CCNB2: variants seen among roughly 807,000 people sequenced by gnomAD.
CCNB2 encodes cyclin B2.
CCNB2 carries 39 observed loss-of-function variants against 51.1 expected under a neutral mutation model. That is an observed-to-expected ratio of 0.76 (90% CI 0.59 to 1.00). The LOEUF (loss-of-function observed/expected upper bound fraction) is 1.00. Ranked by LOEUF, CCNB2 falls within the 50% of genes least tolerant of loss-of-function variation. The pLI is 0.00. For missense variants in CCNB2, 472 were observed against 470.3 expected (o/e 1.00, Z -0.03); for synonymous variants, 174 against 165.5 (o/e 1.05, Z -0.40).
At chr15:59,111,095 G>T (rs1372121710) in intron 3 of CCNB2, among the ~76,000 whole-genome samples, 2 of 152,224 alleles carry the variant, frequency 1.3e-5, no homozygotes, top group Non-Finnish European at 2.9e-5. Context: ...CTTAGAAAGG[G>T]TCTTACAATA....
At chr15:59,116,640 C>A in intron 5 of CCNB2, 50 bp from the exon 6 acceptor site, 1 of 1,303,476 alleles carries the variant, frequency 7.7e-7, no homozygotes, top group Non-Finnish European at 1.1e-6. Context: ...CCACCTAAAG[C>A]TTCACTCTTC....
rs747355242 is a variant in CCNB2 at position 59,124,821 on chromosome 15, C to A, written c.1141C>A (p.Gln381Lys). 5.6e-6 allele frequency: 9 copies of A among 1,611,604 alleles called. No homozygotes were observed. Among genetic ancestry groups the A allele is most frequent in the Non-Finnish European group, 7.6e-6 (9 of 1,178,950 alleles). ...ACTCCTGAAGATCAGCATGATCCCT[C>A]AGCTGAACTCAAAAGCCGTCAAAGA... ...SKLLKISMIP[Q>K]LNSKAVKDLA... Residue 381 changes from glutamine (Q) to lysine (K), a missense_variant, in exon 9 of 9, where the codon CAG (glutamine) becomes AAG (lysine). Coordinates refer to ENST00000288207, the MANE Select transcript of CCNB2 (RefSeq NM_004701.4).
At chr15:59,109,737 A>G (rs911281297) in intron 3 of CCNB2, among the ~76,000 whole-genome samples, 3 of 152,246 alleles carry the variant, frequency 2.0e-5, no homozygotes, top group Non-Finnish European at 2.9e-5. Context: ...CTGTAATCCC[A>G]GCACTTTGGG....
At chr15:59,105,558 A>C (rs1453605246) in intron 1 of CCNB2, among the ~76,000 whole-genome samples, 1 of 152,298 alleles carries the variant, frequency 6.6e-6, no homozygotes, top group East Asian at 1.9e-4. Context: ...GCGCCTGTCA[A>C]GTGAGCCCCC....
At chr15:59,122,527 TTTTTTTTTTC>T (rs1374545332) in intron 7 of CCNB2, among the ~76,000 whole-genome samples, 1,580 of 149,092 alleles carry the variant, frequency 0.011, 21 homozygotes, top group Middle Eastern at 0.038. Context: ...GCCTGGCCTT[TTTTTTTTTTC>T]TTTTTTTTTC....
At position 59,114,790 on chromosome 15, in the gene CCNB2, G is replaced by C. The variant is rs949483720; in HGVS notation, c.511G>C (p.Asp171His). Residue 171 changes from aspartate to histidine, a missense_variant, in exon 5 of 9, where the codon GAT (aspartate) becomes CAT (histidine). Transcript: ENST00000288207. Reference sequence around the variant, plus strand: ...TGGACGCATGCGTGCCATCCTAGTGGATTGGCTGGTACAAGTCCACTCCAA... The same window carrying C: ...TGGACGCATGCGTGCCATCCTAGTGCATTGGCTGGTACAAGTCCACTCCAA... The part of the protein sequence containing the change: ...INGRMRAILV[D>H]WLVQVHSKFR... 6.2e-7 allele frequency: 1 copy of C among 1,614,074 alleles called. No homozygotes were observed. The highest frequency in any genetic ancestry group is 1.3e-5 in the African/African-American group (1 of 74,936).
At position 59,122,312 on chromosome 15, in the gene CCNB2, G is replaced by A. The variant is rs529507787; in HGVS notation, c.976-1205G>A. Among the ~76,000 whole-genome samples the A allele has an allele frequency of 2.0e-3, 262 of 127,880 alleles. 2 individuals carry two copies. Among genetic ancestry groups the A allele is most frequent in the African/African-American group, 7.5e-3 (247 of 33,152 alleles). The allele number at this position is 127,880 out of a possible 152,430, so 83.9% of individuals were successfully genotyped here. On this transcript the variant is annotated intron_variant, in intron 7 of 8. Transcript: ENST00000288207. ...CACCCAGACTGGAGTGCAGTGGTGC[G>A]ATCTCAGCTCACTGCAGCCTCTGCC...
At chr15:59,115,116 T>C (rs1306135042) in intron 5 of CCNB2, among the ~76,000 whole-genome samples, 11 of 152,202 alleles carry the variant, frequency 7.2e-5, no homozygotes, top group African/African-American at 2.2e-4. Flanking sequence ...GGGGGAAATA[T>C]TGCATTGCCA....
At position 59,107,448 on chromosome 15, in the gene CCNB2, A is replaced by G; in HGVS notation, c.151A>G (p.Lys51Glu). Reference sequence around the variant, plus strand: ...TACAACCAGAGCAGCACAAGTAGCTAAGGTAACAATGATGAAGACTGAATG... The same window carrying G: ...TACAACCAGAGCAGCACAAGTAGCTGAGGTAACAATGATGAAGACTGAATG... ...RVTTRAAQVA[K>E]KAQNTKVPVQ... is the part of the protein sequence containing the mutation. Residue 51 changes from lysine to glutamate, a missense_variant and splice_region_variant, in exon 2 of 9, where the codon AAG becomes GAG. By Grantham distance (56) the Lys-to-Glu change is moderately conservative. Transcript: ENST00000288207. 3 of 1,614,152 alleles carry G rather than the reference A, an allele frequency of 1.9e-6. No individual in the cohort carries two copies. The highest frequency in any genetic ancestry group is 2.5e-6 in the Non-Finnish European group (3 of 1,180,006).
intron 7 of CCNB2, among the ~76,000 whole-genome samples, chr15:59,122,822 C>T (rs1249548760): frequency 6.6e-6 from 1 of 152,214 alleles, no homozygotes; most frequent in Admixed American, 6.5e-5. Flanking sequence ...AGGCGTGAGC[C>T]ACTGTGCCCC....
intron 7 of CCNB2, among the ~76,000 whole-genome samples, chr15:59,121,824 C>G (rs185342335): frequency 6.7e-6 from 1 of 149,712 alleles, no homozygotes; most frequent in South Asian, 2.1e-4. Context: ...CTCAGCTACC[C>G]AGGAGGCTGA....
intron 7 of CCNB2, among the ~76,000 whole-genome samples, chr15:59,118,351 CCT>C (rs1204111795): frequency 7.2e-5 from 11 of 152,160 alleles, no homozygotes; most frequent in Non-Finnish European, 1.3e-4. Flanking sequence ...GCAGTTATAC[CCT>C]GAGAGCAGTA....
In CCNB2 at chr15:59,117,222, T is replaced by C. The variant is rs1373361510; in HGVS notation, c.835-6T>C. On this transcript the variant is annotated splice_region_variant and splice_polypyrimidine_tract_variant and intron_variant, in intron 6 of 8. Transcript: ENST00000288207. Reference sequence around the variant, plus strand: ...ATTCTTACTATCCCTTGCTGTTCTTTCTTAGGTTGATGTTGAACAGCACAC... The same window carrying C: ...ATTCTTACTATCCCTTGCTGTTCTTCCTTAGGTTGATGTTGAACAGCACAC... 1.9e-6 allele frequency: 3 copies of C among 1,611,710 alleles called. No individual in the cohort carries two copies. The highest frequency in any genetic ancestry group is 2.2e-5 in the East Asian group (1 of 44,836).
At chr15:59,107,027 T>C (rs1213708109) in intron 1 of CCNB2, among the ~76,000 whole-genome samples, 3 of 152,198 alleles carry the variant, frequency 2.0e-5, no homozygotes, top group African/African-American at 7.2e-5. Context: ...AATCATTAAA[T>C]ACTAATAAGC....
rs772453266 is a variant in CCNB2, at chr15:59,116,926, G to C, written c.834G>C (p.Glu278Asp). The C allele has an allele frequency of 6.2e-7, 1 of 1,609,912 alleles. No individual in the cohort carries two copies. Among genetic ancestry groups the C allele is most frequent in the Non-Finnish European group, 8.5e-7 (1 of 1,176,354 alleles). The change falls in exon 6 of 9, where the codon GAG (glutamate) becomes GAC (aspartate). Residue 278 changes from glutamate (E) to aspartate (D), a missense_variant and splice_region_variant. Transcript: ENST00000288207. ...TAAGGCGAGCATCAAAAGCCGGGGA[G>C]GTAAGTGCCTCCAGCTCTGTAAGAG... ...HFLRRASKAG[E>D]VDVEQHTLAK...
rs143904498 is a variant in CCNB2, at chr15:59,114,722, T to C, written c.443T>C (p.Leu148Ser). ...IYQYLRQLEV[L>S]QSINPHFLDG... ...AACTTTTGATTCTACCCACAGGTTT[T>C]GCAGTCCATAAACCCACATTTCTTA... Residue 148 changes from leucine to serine, a missense_variant, in exon 5 of 9, where the codon TTG (leucine) becomes TCG (serine). Physicochemically the swap from Leu to Ser is moderately radical, Grantham distance 145. Coordinates refer to ENST00000288207, the MANE Select transcript of CCNB2 (RefSeq NM_004701.4). The C allele has an allele frequency of 1.1e-4, 179 of 1,607,456 alleles. 1 individual carries two copies. The African/African-American group carries it at 1.4e-3, about 13-fold the overall frequency.
chr15:59,123,254 G>A (rs1211720061), intron 7 of CCNB2, among the ~76,000 whole-genome samples: 1 of 152,134 alleles, frequency 6.6e-6, no homozygotes, highest in Non-Finnish European at 1.5e-5. Context: ...CCTGTGCAAC[G>A]TCTTTGAAAG....
chr15:59,122,011 G>C (rs2079304248), intron 7 of CCNB2, among the ~76,000 whole-genome samples: 1 of 146,994 alleles, frequency 6.8e-6, no homozygotes, highest in Non-Finnish European at 1.5e-5. Context: ...TCAGCTACTA[G>C]GGAGGTTGAG....
chr15:59,119,453 C>T, intron 7 of CCNB2, among the ~76,000 whole-genome samples: 1 of 127,518 alleles, frequency 7.8e-6, no homozygotes, highest in African/African-American at 3.0e-5. Context: ...GAGCAAAACC[C>T]TGTCTCCAAA....
Sources: allele counts gnomAD v4.1 joint callset (sites outside exome capture counted in the v4.1 genomes callset), GRCh38; gene constraint gnomAD v4.1.1; transcripts MANE v1.5; gene names NCBI Gene and HGNC (gene_info 2026-07-23, HGNC 2026-07-21).